Variants in BCL11A observed in about 807,000 individuals in gnomAD.
BCL11A encodes the protein B cell CLL/lymphoma 11A.
A neutral mutation model predicts 55.9 loss-of-function variants in BCL11A; 2 were observed. The observed-to-expected ratio is 0.04, with a 90% confidence interval of 0.01 to 0.11. The LOEUF (loss-of-function observed/expected upper bound fraction) is 0.11. Ranked by LOEUF, BCL11A falls within the 10% of genes least tolerant of loss-of-function variation. The pLI is 1.00. For missense variants in BCL11A, 817 were observed against 1,137.1 expected (o/e 0.72, Z 4.05); for synonymous variants, 465 against 473.4 (o/e 0.98, Z 0.23).
Position 60,461,150 on chromosome 2 carries a change from C to G in BCL11A, c.1762G>C (p.Asp588His). Residue 588 changes from aspartate to histidine, a missense_variant, in exon 4 of 4, where the codon GAC becomes CAC. By Grantham distance (81) the Asp-to-His change is moderately conservative (BLOSUM62 -1). This residue lies in a region of BCL11A where 379 missense variants were observed against 425.3 expected (regional missense o/e 0.89). Transcript: ENST00000642384. ...CGGTCCGACTCGCCGGCCACCGAGT[C>G]TTCGTCGCAAGTGTCCCTGTGGCCC... ...AEGHRDTCDE[D>H]SVAGESDRID... 6.2e-7 allele frequency: 1 copy of G among 1,612,226 alleles called. No homozygotes were observed. Among genetic ancestry groups the G allele is most frequent in the Non-Finnish European group, 8.5e-7 (1 of 1,179,694 alleles).
chr2:60,505,699 T>C (rs983883399), intron 2 of BCL11A, among the ~76,000 whole-genome samples: 15 of 152,190 alleles, frequency 9.9e-5, no homozygotes, highest in Admixed American at 3.3e-4. Context: ...CATTCCCACC[T>C]CCCGGAAGCA....
intron 3 of BCL11A, among the ~76,000 whole-genome samples, chr2:60,467,228 GTGGTGGTAGTGATGGTGGTGGTAA>G (rs2103932827): frequency 2.4e-5 from 3 of 125,076 alleles, no homozygotes; most frequent in Non-Finnish European, 5.2e-5. Context: ...GGTGATGGTG[GTGGTGGTAGTGATGGTGGTGGTAA>G]TGGTGGTGGT....
chr2:60,492,937 C>T (rs1441572068), intron 2 of BCL11A, among the ~76,000 whole-genome samples: 3 of 152,182 alleles, frequency 2.0e-5, no homozygotes, highest in Non-Finnish European at 4.4e-5. Context: ...ATACAGAACA[C>T]GTCCACCAGT....
chr2:60,553,299 G>A lies in BCL11A; in HGVS notation c.-29C>T, dbSNP rs747539514. 8 of 1,536,784 alleles carry A rather than the reference G, an allele frequency of 5.2e-6. No individual in the cohort carries two copies. In the South Asian group the frequency reaches 8.5e-5, roughly 16 times the overall value. On this transcript the variant is annotated 5_prime_UTR_variant, in exon 1 of 4. Coordinates refer to ENST00000642384, the MANE Select transcript of BCL11A (RefSeq NM_022893.4). Reference sequence around the variant, plus strand: ...GGGCTGCGGGGCGGGCGGCGGCGGCGGCGGCGGCGGCGGCGGGCGGACGAC... The same window carrying A: ...GGGCTGCGGGGCGGGCGGCGGCGGCAGCGGCGGCGGCGGCGGGCGGACGAC...
chr2:60,464,504 C>T (rs1265582524), intron 3 of BCL11A, among the ~76,000 whole-genome samples: 2 of 152,156 alleles, frequency 1.3e-5, no homozygotes, highest in East Asian at 3.9e-4. Context: ...TTTAGCCTGA[C>T]GATCTGAGTT....
At chr2:60,472,727 G>A (rs1226000703) in intron 2 of BCL11A, among the ~76,000 whole-genome samples, 1 of 152,154 alleles carries the variant, frequency 6.6e-6, no homozygotes, top group Non-Finnish European at 1.5e-5. Context: ...GTTTCCTCAA[G>A]AACATCTCAA....
chr2:60,464,716 G>A (rs1312300703), intron 3 of BCL11A, among the ~76,000 whole-genome samples: 6 of 152,154 alleles, frequency 3.9e-5, no homozygotes, highest in Non-Finnish European at 8.8e-5. Flanking sequence ...CTACATCAAG[G>A]ATCTCATTTG....
chr2:60,517,290 C>T (rs971667133), intron 2 of BCL11A, among the ~76,000 whole-genome samples: 1 of 152,190 alleles, frequency 6.6e-6, no homozygotes, highest in African/African-American at 2.4e-5. Context: ...AATAAAAAAG[C>T]CAAGCTATTC....
At chr2:60,516,911 T>A (rs767304665) in intron 2 of BCL11A, among the ~76,000 whole-genome samples, 1 of 152,152 alleles carries the variant, frequency 6.6e-6, no homozygotes, top group African/African-American at 2.4e-5. Flanking sequence ...AAGAGAGGCA[T>A]AGAAACAATA....
chr2:60,531,077 A>G (rs192550823), intron 2 of BCL11A, among the ~76,000 whole-genome samples: 14 of 151,980 alleles, frequency 9.2e-5, no homozygotes, highest in Admixed American at 8.5e-4. Flanking sequence ...TCTTGCCACT[A>G]ACCTCTTTTC....
At chr2:60,505,702 C>T (rs1017127752) in intron 2 of BCL11A, among the ~76,000 whole-genome samples, 12 of 152,336 alleles carry the variant, frequency 7.9e-5, no homozygotes, top group African/African-American at 2.6e-4. Context: ...TCCCACCTCC[C>T]GGAAGCAGGG....
In BCL11A at chr2:60,458,690, T is replaced by C; in HGVS notation, c.*1714A>G. The C allele has an allele frequency of 9.7e-7, 1 of 1,029,368 alleles. No homozygotes were observed. The highest frequency in any genetic ancestry group is 6.2e-5 in the East Asian group (1 of 16,132). 63.8% of individuals were successfully genotyped at this position (1,029,368 alleles called of 1,614,324 possible). A position where few individuals can be genotyped will look rare whatever the true frequency, so the allele number is the denominator to read the frequency against. On this transcript the variant is annotated 3_prime_UTR_variant, in exon 4 of 4. Coordinates refer to ENST00000642384, the MANE Select transcript of BCL11A (RefSeq NM_022893.4). Reference sequence around the variant, plus strand: ...ATTCTTGCAACTTTTCCCTTAAGTATAGACCTGTAAACTGGGAAAATTGTA... The same window carrying C: ...ATTCTTGCAACTTTTCCCTTAAGTACAGACCTGTAAACTGGGAAAATTGTA...
chr2:60,492,711 G>C (rs1678711106), intron 2 of BCL11A, among the ~76,000 whole-genome samples: 3 of 151,958 alleles, frequency 2.0e-5, no homozygotes, highest in Admixed American at 1.3e-4. Context: ...ATGTACTTTG[G>C]TGCTACCCTG....
At chr2:60,514,912 G>T (rs186819552) in intron 2 of BCL11A, among the ~76,000 whole-genome samples, 1 of 150,478 alleles carries the variant, frequency 6.6e-6, no homozygotes, top group Non-Finnish European at 1.5e-5. Flanking sequence ...GAGAGAGAGA[G>T]AATCACCTTT....
rs1460263049 is a variant in BCL11A, at chr2:60,467,195, G to A, written c.487+1537C>T. 4.4e-5 allele frequency among the ~76,000 whole-genome samples: 6 copies of A among 137,528 alleles called. No individual in the cohort carries two copies. The South Asian group carries it at 7.6e-4, about 17-fold the overall frequency. The allele number at this position is 137,528 out of a possible 152,430, so 90.2% of individuals were successfully genotyped here. On this transcript the variant is annotated intron_variant, in intron 3 of 3. Transcript: ENST00000642384. ...GGTGGTGGTGGTGGTGGTGATGGTG[G>A]TGGTGATGGCGGTGATGGTACTGGT...
intron 1 of BCL11A, among the ~76,000 whole-genome samples, chr2:60,550,151 G>A (rs1194537678): frequency 6.6e-6 from 1 of 152,010 alleles, no homozygotes. Context: ...CTTCGGCCAT[G>A]CCCCGAAGCC....
intron 1 of BCL11A, among the ~76,000 whole-genome samples, chr2:60,549,260 A>C (rs933022340): frequency 1.1e-4 from 16 of 152,212 alleles, no homozygotes; most frequent in Admixed American, 4.6e-4. Flanking sequence ...GAATAAATTT[A>C]AGGGAAAAAA....
chr2:60,484,949 A>G (rs2104233931), intron 2 of BCL11A, among the ~76,000 whole-genome samples: 1 of 150,348 alleles, frequency 6.7e-6, no homozygotes, highest in South Asian at 2.1e-4. Context: ...CCTCTGTGGC[A>G]CTTGTTTAGG....
chr2:60,504,516 T>C (rs376139148), intron 2 of BCL11A, among the ~76,000 whole-genome samples: 1 of 151,810 alleles, frequency 6.6e-6, no homozygotes, highest in Non-Finnish European at 1.5e-5. Context: ...ATGTTCTTCT[T>C]GAAGTGGGAG....
Sources: allele counts gnomAD v4.1 joint callset (sites outside exome capture counted in the v4.1 genomes callset), GRCh38; gene constraint gnomAD v4.1.1; regional missense constraint gnomAD v4.1.1; transcripts MANE v1.5; gene names NCBI Gene and HGNC (gene_info 2026-07-23, HGNC 2026-07-21).